CPNE4: variants seen among roughly 807,000 people sequenced by gnomAD.
CPNE4 encodes the protein copine-4.
A neutral mutation model predicts 67.9 loss-of-function variants in CPNE4; 25 were observed. That is an observed-to-expected ratio of 0.37 (90% CI 0.27 to 0.51). The LOEUF (loss-of-function observed/expected upper bound fraction) is 0.51, where lower values mean the gene tolerates loss of function less well. CPNE4 is among the 20% of genes least tolerant of loss of function. The probability of loss-of-function intolerance (pLI) is 0.93; values close to 1 mark genes in which losing one functional copy is unlikely to be tolerated. For synonymous variants in CPNE4, 242 were observed against 244.9 expected (o/e 0.99, Z 0.11); for missense variants, 464 against 690.8 (o/e 0.67, Z 3.68).
At chr3:131,811,026 G>A (rs1377060003) in intron 2 of CPNE4, among the ~76,000 whole-genome samples, 1 of 152,000 alleles carries the variant, frequency 6.6e-6, no homozygotes, top group Non-Finnish European at 1.5e-5. Flanking sequence ...CAGGAAAGGA[G>A]AAAATGGAAA....
At chr3:131,934,335 T>C (rs1583474725) in intron 1 of CPNE4, among the ~76,000 whole-genome samples, 1 of 152,256 alleles carries the variant, frequency 6.6e-6, no homozygotes, top group East Asian at 1.9e-4. Flanking sequence ...GATAAGAAAG[T>C]AGAAGCAGCA....
At chr3:131,706,796 G>A (rs12631172) in intron 3 of CPNE4, among the ~76,000 whole-genome samples, 20,589 of 152,080 alleles carry the variant, frequency 0.14, 1,586 homozygotes, top group African/African-American at 0.2. Context: ...CCAGGCATTC[G>A]TTTCTATTGA....
intron 2 of CPNE4, among the ~76,000 whole-genome samples, chr3:131,776,379 C>A (rs1385056553): frequency 6.6e-6 from 1 of 152,076 alleles, no homozygotes; most frequent in Non-Finnish European, 1.5e-5. Flanking sequence ...AGTCCAGGAC[C>A]TATATTCCTT....
intron 2 of CPNE4, among the ~76,000 whole-genome samples, chr3:131,805,354 T>C (rs1026264278): frequency 6.6e-6 from 1 of 152,194 alleles, no homozygotes; most frequent in Non-Finnish European, 1.5e-5. Flanking sequence ...TTAGTATCAG[T>C]GAAACCACAA....
intron 2 of CPNE4, among the ~76,000 whole-genome samples, chr3:131,784,787 G>A (rs1337786600): frequency 6.6e-6 from 1 of 151,930 alleles, no homozygotes; most frequent in Non-Finnish European, 1.5e-5. Flanking sequence ...TCTAATATTT[G>A]CCTTAGGCTC....
intron 2 of CPNE4, among the ~76,000 whole-genome samples, chr3:131,746,141 TATC>T (rs1434817911): frequency 3.3e-5 from 5 of 152,278 alleles, no homozygotes; most frequent in South Asian, 4.1e-4. Flanking sequence ...TTAAAAAATT[TATC>T]ATCAACAGAT....
chr3:131,963,580 CTTGAGTAGG>C (rs2072248555), intron 1 of CPNE4, among the ~76,000 whole-genome samples: 1 of 152,176 alleles, frequency 6.6e-6, no homozygotes, highest in Non-Finnish European at 1.5e-5. Flanking sequence ...ATTACTGAGG[CTTGAGTAGG>C]TGGTTTTCCA....
At chr3:131,835,504 G>A (rs1232539601) in intron 2 of CPNE4, among the ~76,000 whole-genome samples, 3 of 151,978 alleles carry the variant, frequency 2.0e-5, no homozygotes, top group East Asian at 1.9e-4. Flanking sequence ...ACTCCAGCCT[G>A]GGCAACAGAG....
intron 2 of CPNE4, among the ~76,000 whole-genome samples, chr3:131,874,151 C>T (rs565984704): frequency 6.6e-6 from 1 of 151,412 alleles, no homozygotes; most frequent in Non-Finnish European, 1.5e-5. Flanking sequence ...TGCAGTGGCG[C>T]AATCTCGGCT....
At position 131,660,980 on chromosome 3, in the gene CPNE4, A is replaced by G. The variant is rs185375400; in HGVS notation, c.681+8695T>C. Among the ~76,000 whole-genome samples the G allele has an allele frequency of 2.4e-4, 37 of 152,314 alleles. No individual in the cohort carries two copies. In the East Asian group the frequency reaches 2.5e-3, roughly 10 times the overall value. Reference sequence around the variant, plus strand: ...TGGATCCAAACAAAAATAAGTCCCTAAGATATGGATGAGCCACAAGATAGA... The same window carrying G: ...TGGATCCAAACAAAAATAAGTCCCTGAGATATGGATGAGCCACAAGATAGA... On this transcript the variant is annotated intron_variant, in intron 7 of 15. Coordinates refer to ENST00000429747, the MANE Select transcript of CPNE4 (RefSeq NM_130808.3).
At chr3:131,893,416 T>G (rs1463960212) in intron 2 of CPNE4, among the ~76,000 whole-genome samples, 1 of 151,984 alleles carries the variant, frequency 6.6e-6, no homozygotes, top group East Asian at 1.9e-4. Context: ...GTACAGGTCA[T>G]CGAGACAAAC....
chr3:131,892,915 GAAGA>G (rs1344248984), intron 2 of CPNE4, among the ~76,000 whole-genome samples: 5 of 151,690 alleles, frequency 3.3e-5, no homozygotes, highest in Non-Finnish European at 5.9e-5. Context: ...AGAAAGGAAG[GAAGA>G]AAGAATTTTA....
chr3:132,029,957 T>C (rs1412075785), intron 1 of CPNE4, among the ~76,000 whole-genome samples: 1 of 152,208 alleles, frequency 6.6e-6, no homozygotes, highest in East Asian at 1.9e-4. Context: ...GCATGAGCAA[T>C]TTTTTACAGA....
At chr3:131,952,477 G>A (rs1030952347) in intron 1 of CPNE4, among the ~76,000 whole-genome samples, 15 of 98,502 alleles carry the variant, frequency 1.5e-4, no homozygotes, top group African/African-American at 2.5e-4. Flanking sequence ...GAGGTGGGGG[G>A]GTCAGCGCCC....
rs1357389779 is a variant in CPNE4, at chr3:131,902,229, T to C, written c.180+3035A>G. On this transcript the variant is annotated intron_variant, in intron 2 of 15. Coordinates refer to ENST00000429747, the MANE Select transcript of CPNE4 (RefSeq NM_130808.3). ...TTAATGGTTATAGAGTGAGACTTTC[T>C]AGGTAAAGGAAGCCGTGAATCAATT... 3.3e-5 allele frequency among the ~76,000 whole-genome samples: 5 copies of C among 152,098 alleles called. 1 individual carries two copies. Among genetic ancestry groups the C allele is most frequent in the African/African-American group, 1.2e-4 (5 of 41,430 alleles).
rs766033406 is a variant in CPNE4, at chr3:131,955,410, G to GTTT, written c.-1-49969_-1-49967dup. Among the ~76,000 whole-genome samples, 55 of 42,236 alleles carry GTTT rather than the reference G, an allele frequency of 1.3e-3. 2 individuals carry two copies. Among genetic ancestry groups the GTTT allele is most frequent in the African/African-American group, 2.8e-3 (30 of 10,788 alleles). 27.7% of individuals were successfully genotyped at this position (42,236 alleles called of 152,430 possible). A position where few individuals can be genotyped will look rare whatever the true frequency, so the allele number is the denominator to read the frequency against. Reference sequence around the variant, plus strand: ...TTTTCTGTGTGGTATTGTATGTAAGGTTTTTTTTTTTTTTTTTTTTTTTTG... The same window carrying GTTT: ...TTTTCTGTGTGGTATTGTATGTAAGGTTTTTTTTTTTTTTTTTTTTTTTTTTTG... On this transcript the variant is annotated intron_variant, in intron 1 of 15. Transcript: ENST00000429747.
At chr3:131,677,032 T>G (rs1397665865) in intron 6 of CPNE4, among the ~76,000 whole-genome samples, 5 of 150,386 alleles carry the variant, frequency 3.3e-5, no homozygotes, top group African/African-American at 4.9e-5. Flanking sequence ...CCACTACCTC[T>G]CCGGCATCTG....
At chr3:131,761,366 C>T (rs1171225706) in intron 2 of CPNE4, among the ~76,000 whole-genome samples, 1 of 151,920 alleles carries the variant, frequency 6.6e-6, no homozygotes, top group African/African-American at 2.4e-5. Flanking sequence ...CAGCCATGAG[C>T]TATGAGCTAC....
chr3:131,713,468 A>G (rs2081608870), intron 3 of CPNE4, among the ~76,000 whole-genome samples: 1 of 152,116 alleles, frequency 6.6e-6, no homozygotes, highest in African/African-American at 2.4e-5. Context: ...AAAAGAAATG[A>G]GAATGTGTGG....
Sources: gnomAD v4.1 joint callset for allele counts (sites outside exome capture counted in the v4.1 genomes callset) on GRCh38, gnomAD v4.1.1 for gene constraint, MANE v1.5 for transcripts, NCBI Gene and HGNC (gene_info 2026-07-23, HGNC 2026-07-21) for gene names.